SLC2A11: variants seen among roughly 807,000 people sequenced by gnomAD.
SLC2A11 encodes solute carrier family 2 member 11.
Under a neutral mutation model 52.1 loss-of-function variants are expected in SLC2A11, and 43 were observed. The ratio of observed to expected loss-of-function variants is 0.82; its 90% CI spans 0.65 to 1.06. SLC2A11 has a LOEUF of 1.06. Ranked by LOEUF, SLC2A11 falls within the 50% of genes least tolerant of loss-of-function variation. The pLI is 0.00. For synonymous variants in SLC2A11, 261 were observed against 277.6 expected, an observed-to-expected ratio of 0.94 and a Z score of 0.59; for missense variants, 582 against 654.2, an observed-to-expected ratio of 0.89 and a Z score of 1.20.
At chr22:23,857,562 C>T, upstream of SLC2A11, 1 of 1,558,170 alleles carries the variant, frequency 6.4e-7, no homozygotes. Flanking sequence ...ACAAACCCCG[C>T]GGCGGTGACC....
upstream of SLC2A11, chr22:23,857,002 C>T: frequency 6.3e-7 from 1 of 1,586,800 alleles, no homozygotes; most frequent in South Asian, 1.1e-5. Flanking sequence ...GTGGGTCTAT[C>T]TTTCGGTCTT....
chr22:23,866,183 G>GA (rs397965250), intron 2 of SLC2A11: 4,408 of 115,756 alleles, frequency 0.038, 86 homozygotes, highest in Middle Eastern at 0.095. Flanking sequence ...AAAAAAAAAA[G>GA]AAAGAAAAAA....
intron 6 of SLC2A11, chr22:23,881,857 G>GAC (rs2032806514): frequency 1.4e-5 from 1 of 71,984 alleles, no homozygotes; most frequent in Non-Finnish European, 3.6e-5. Context: ...CAGAGACAGA[G>GAC]AGATTGAGAG....
chr22:23,862,285 C>G, intron 2 of SLC2A11, 83 bp downstream of exon 2: 1 of 1,319,800 alleles, frequency 7.6e-7, no homozygotes, highest in Non-Finnish European at 1.1e-6. Context: ...TTCAGCCAGG[C>G]ATCCACTAGG....
chr22:23,867,356 A>AT (rs980736708), intron 2 of SLC2A11: 3,434 of 152,634 alleles, frequency 0.022, 70 homozygotes, highest in African/African-American at 0.059. Context: ...CACCTGGCTA[A>AT]TTTTTTTTTT....
At chr22:23,877,319 C>A in intron 5 of SLC2A11, 148 bp downstream of exon 5, 1 of 1,336,336 alleles carries the variant, frequency 7.5e-7, no homozygotes, top group South Asian at 1.2e-5. Flanking sequence ...ATCTCTGCTG[C>A]CAATTCACGA....
At chr22:23,857,139 A>C, upstream of SLC2A11, 1 of 1,155,740 alleles carries the variant, frequency 8.7e-7, no homozygotes, top group East Asian at 2.6e-5. Context: ...CCCTCCGGAG[A>C]ACGCCCAGGG....
Position 23,863,906 on chromosome 22 carries a change from C to T in SLC2A11, c.129+1704C>T, listed in dbSNP as rs192809414. ...TCGGCCTCTTGAAGTTCTAGGATTA[C>T]AGGCATGAGCCACCGTGCCCAGCTT... On this transcript the variant is annotated intron_variant, in intron 2 of 11. Transcript: ENST00000316185. Among the ~76,000 whole-genome samples, 524 of 152,164 alleles carry T rather than the reference C, an allele frequency of 3.4e-3. 7 individuals are homozygous for T. Among genetic ancestry groups the T allele is most frequent in the Non-Finnish European group, 5.0e-3 (337 of 67,998 alleles).
At chr22:23,876,747 G>A (rs1409041691) in intron 4 of SLC2A11, among the ~76,000 whole-genome samples, 1 of 152,144 alleles carries the variant, frequency 6.6e-6, no homozygotes, top group Non-Finnish European at 1.5e-5. Flanking sequence ...TCGGGTCCCA[G>A]TGATGGGACC....
chr22:23,869,343 C>G (rs2032373992), intron 3 of SLC2A11: 1 of 152,642 alleles, frequency 6.6e-6, no homozygotes, highest in Admixed American at 6.5e-5. Context: ...CAAAAATTAG[C>G]AGGGCGTGGT....
Position 23,862,135 on chromosome 22 carries a change from GC to G in SLC2A11, c.63del (p.Cys21TrpfsTer45), listed in dbSNP as rs541296839. 131 of 1,614,190 alleles carry G rather than the reference GC, an allele frequency of 8.1e-5. 1 individual carries two copies. In the African/African-American group the frequency reaches 1.6e-3, roughly 20 times the overall value. On this transcript the variant is annotated frameshift_variant, in exon 2 of 12. Transcript: ENST00000316185. LOFTEE classifies it high-confidence loss of function. The stretch of plus-strand genomic sequence containing the variant: ...GGCAGGATCCTGCTCCTGACCATCT[GC>G]GCTGCCGGCATTGGTGGGACTTTTC... Reference protein sequence around the residue: ...IQGRILLLTICAAGIGGTFQF... With the variant: ...IQGRILLLTIXAAGIGGTFQF...
chr22:23,857,952 C>CG lies in SLC2A11; in HGVS notation c.-44dup. ...CGGCTCACCGCTTGCTAATGGCAGC[C>CG]GGGGTCTCCCTGGGACAGCAAGACC... On this transcript the variant is annotated 5_prime_UTR_variant, in exon 1 of 12. Transcript: ENST00000316185. The CG allele has an allele frequency of 6.3e-7, 1 of 1,592,052 alleles. No individual in the cohort carries two copies. Among genetic ancestry groups the CG allele is most frequent in the Non-Finnish European group, 8.5e-7 (1 of 1,171,036 alleles).
At chr22:23,857,570 AC>A, upstream of SLC2A11, 1 of 1,357,076 alleles carries the variant, frequency 7.4e-7, no homozygotes, top group Admixed American at 2.0e-5. Context: ...CGCGGCGGTG[AC>A]CCCAAACCCC....
chr22:23,869,682 T>A (rs1568988864), intron 3 of SLC2A11: 2 of 283,582 alleles, frequency 7.1e-6, no homozygotes, highest in East Asian at 1.5e-4. Context: ...TCTTAGTCTA[T>A]TTTTGTTGCC....
Position 23,884,332 on chromosome 22 carries a change from T to C in SLC2A11, c.1202T>C (p.Leu401Pro). ...GTGACGGGGATCCTGGCCACAGAGC[T>C]GTTTGACCAGATGGCCAGGCCTGCT... is the stretch of plus-strand genomic sequence containing the variant. Reference protein sequence around the residue: ...AGVTGILATELFDQMARPAAC... With the variant: ...AGVTGILATEPFDQMARPAAC... Residue 401 changes from leucine (L) to proline (P), a missense_variant, in exon 11 of 12, where the codon CTG (leucine) becomes CCG (proline). Transcript: ENST00000316185. The surrounding 1 kb of genome is among the most constrained non-coding windows in gnomAD (Gnocchi z 4.3). 2 of 1,613,978 alleles carry C rather than the reference T, an allele frequency of 1.2e-6. No individual in the cohort carries two copies. The highest frequency in any genetic ancestry group is 1.7e-5 in the Admixed American group (1 of 60,024).
chr22:23,861,517 G>GGGA (rs1267141036), intron 1 of SLC2A11, among the ~76,000 whole-genome samples: 6 of 152,138 alleles, frequency 3.9e-5, no homozygotes, highest in Non-Finnish European at 8.8e-5. Flanking sequence ...GGGGAGAGCT[G>GGGA]GGATAGGGAC....
intron 3 of SLC2A11, chr22:23,868,918 T>C: frequency 2.4e-6 from 1 of 420,706 alleles, no homozygotes; most frequent in Non-Finnish European, 4.3e-6. Context: ...GTTATTTTCT[T>C]CCTGGGCCTC....
At chr22:23,857,510 G>A (rs953106612), upstream of SLC2A11, 6 of 1,613,510 alleles carry the variant, frequency 3.7e-6, no homozygotes, top group Non-Finnish European at 5.1e-6. Context: ...AACTGGAGCC[G>A]TCCTTACGGC....
At chr22:23,857,832 C>T (rs564324471), upstream of SLC2A11, 11 of 1,481,236 alleles carry the variant, frequency 7.4e-6, 1 homozygote, top group African/African-American at 2.8e-5. Flanking sequence ...TTCGTCTCGA[C>T]GGGTTTGCTC....
Sources: allele counts gnomAD v4.1 joint callset (sites outside exome capture counted in the v4.1 genomes callset), GRCh38; gene constraint gnomAD v4.1.1; non-coding constraint Gnocchi (gnomAD v3.1); transcripts MANE v1.5; gene names NCBI Gene and HGNC (gene_info 2026-07-23, HGNC 2026-07-21).